The following CLTRN variants were observed in gnomAD, a reference collection of about 807,000 sequenced individuals.
CLTRN encodes collectrin.
CLTRN carries 12 observed loss-of-function variants against 14.5 expected under a neutral mutation model. That is an observed-to-expected ratio of 0.83 (90% CI 0.53 to 1.34). The LOEUF is 1.34. CLTRN is among the 40% of genes most tolerant of loss of function. The pLI is 0.00. For missense variants in CLTRN, 154 were observed against 165.1 expected (o/e 0.93, Z 0.37); for synonymous variants, 58 against 56.5 (o/e 1.03, Z -0.12).
chrX:15,631,570 TG>T (rs1464813373), intron 5 of CLTRN, among the ~76,000 whole-genome samples: 1 of 112,324 alleles, frequency 8.9e-6, no homozygotes, highest in Admixed American at 9.4e-5. Flanking sequence ...CACGAAAGAA[TG>T]GGGAAAAACT....
chrX:15,671,648 G>A (rs1274197847), intron 1 of CLTRN, among the ~76,000 whole-genome samples: 1 of 111,780 alleles, frequency 8.9e-6, no homozygotes, highest in Non-Finnish European at 1.9e-5. Flanking sequence ...CTGACAGTGA[G>A]TTTCCAATGT....
At chrX:15,634,700 G>A (rs952917737) in intron 5 of CLTRN, among the ~76,000 whole-genome samples, 1 of 99,935 alleles carries the variant, frequency 1.0e-5, no homozygotes, top group African/African-American at 3.7e-5. Context: ...ATCAAACACC[G>A]CATATTCTCA....
chrX:15,652,778 T>C (rs772998928), intron 3 of CLTRN, among the ~76,000 whole-genome samples: 1 of 111,734 alleles, frequency 8.9e-6, no homozygotes, highest in African/African-American at 3.3e-5. Flanking sequence ...TGTACAAAAA[T>C]ATACAATGAA....
chrX:15,664,999 G>A (rs1049861492), upstream of CLTRN: 23 of 396,232 alleles, frequency 5.8e-5, no homozygotes, highest in Non-Finnish European at 9.8e-5. Flanking sequence ...AAACAGATTA[G>A]TTGTTTTCCC....
intron 3 of CLTRN, among the ~76,000 whole-genome samples, chrX:15,649,758 G>A (rs1330935016): frequency 9.0e-6 from 1 of 110,576 alleles, no homozygotes; most frequent in African/African-American, 3.3e-5. Context: ...GGCAGGGGGC[G>A]GTCAGTACCA....
chrX:15,662,824 C>G (rs2147214725), intron 2 of CLTRN, among the ~76,000 whole-genome samples: 1 of 111,437 alleles, frequency 9.0e-6, no homozygotes, highest in Non-Finnish European at 1.9e-5. Flanking sequence ...GCATTTGATG[C>G]TCTTGAACCC....
intron 1 of CLTRN, 59 bp from the exon 2 acceptor site, chrX:15,664,454 G>T: frequency 2.0e-6 from 2 of 1,008,764 alleles, no homozygotes; most frequent in Admixed American, 2.7e-5. Flanking sequence ...CCAAAACAGA[G>T]TCTGAAAAAT....
At chrX:15,663,080 C>T (rs924767244) in intron 2 of CLTRN, among the ~76,000 whole-genome samples, 2 of 111,986 alleles carry the variant, frequency 1.8e-5, no homozygotes, top group Non-Finnish European at 3.8e-5. Flanking sequence ...TCAGACATCA[C>T]AGTAAGTGCC....
At chrX:15,644,408 C>A (rs1055605216) in intron 4 of CLTRN, among the ~76,000 whole-genome samples, 1 of 111,691 alleles carries the variant, frequency 9.0e-6, no homozygotes, top group Non-Finnish European at 1.9e-5. Context: ...TCCTCACTTT[C>A]TATATATGGG....
In CLTRN at chrX:15,642,641, C is replaced by T. The variant is rs202245611; in HGVS notation, c.317+2275G>A. Among the ~76,000 whole-genome samples, 4 of 112,329 alleles carry T rather than the reference C, an allele frequency of 3.6e-5. No homozygotes were observed. The East Asian group carries it at 8.4e-4, about 24-fold the overall frequency. ...GATGTCTGTTTCAGTTCTTTGTGTA[C>T]TCTGGTAAACAGGAAAAATCACTGG... is the stretch of plus-strand genomic sequence containing the variant. On this transcript the variant is annotated intron_variant, in intron 4 of 5. Transcript: ENST00000380342.
At chrX:15,633,611 T>C (rs7051487) in intron 5 of CLTRN, among the ~76,000 whole-genome samples, 1,156 of 113,112 alleles carry the variant, frequency 0.01, 13 homozygotes, top group African/African-American at 0.035. Context: ...ATTCATTTAA[T>C]TAAGACTTTA....
intron 5 of CLTRN, among the ~76,000 whole-genome samples, chrX:15,634,367 C>T (rs1408703603): frequency 9.0e-6 from 1 of 110,980 alleles, no homozygotes; most frequent in East Asian, 2.8e-4. Context: ...ATGCCAGAGC[C>T]TGAGACTGGA....
chrX:15,661,042 A>T (rs1929496063), intron 2 of CLTRN, among the ~76,000 whole-genome samples: 2 of 112,062 alleles, frequency 1.8e-5, no homozygotes, highest in African/African-American at 6.5e-5. Flanking sequence ...TTTTTTCCAA[A>T]ATTAATTTTA....
At chrX:15,659,192 C>CCACACA (rs374840378) in intron 2 of CLTRN, 91 bp from the exon 3 acceptor site, 79 of 329,050 alleles carry the variant, frequency 2.4e-4, no homozygotes, top group African/African-American at 1.9e-3. Flanking sequence ...CTCTCTCTCT[C>CCACACA]CACACACACA....
chrX:15,663,940 G>A (rs1044166204), intron 2 of CLTRN, among the ~76,000 whole-genome samples: 3 of 111,997 alleles, frequency 2.7e-5, no homozygotes, highest in Admixed American at 9.5e-5. Flanking sequence ...ACTTTATGTG[G>A]GTAGAACTAT....
chrX:15,643,098 T>C (rs1928980183), intron 4 of CLTRN, among the ~76,000 whole-genome samples: 1 of 111,119 alleles, frequency 9.0e-6, no homozygotes. Context: ...ACTCTGCCTC[T>C]TAAAAAGAAA....
intron 1 of CLTRN, 122 bp downstream of exon 1, chrX:15,664,596 T>C: frequency 1.4e-6 from 1 of 739,151 alleles, no homozygotes; most frequent in Non-Finnish European, 2.0e-6. Context: ...AAACACTCAC[T>C]GCCCCAACTT....
chrX:15,646,232 C>G (rs1929063326), intron 3 of CLTRN: 8 of 234,587 alleles, frequency 3.4e-5, no homozygotes, highest in East Asian at 1.1e-4. Context: ...CCATGCAACA[C>G]TTGGTGGCCA....
intron 3 of CLTRN, among the ~76,000 whole-genome samples, chrX:15,656,835 T>C (rs1343822684): frequency 2.7e-5 from 3 of 110,467 alleles, no homozygotes; most frequent in South Asian, 3.8e-4. Context: ...ACTGCCTGAC[T>C]CTTTACAGAA....
Sources: gnomAD v4.1 joint callset for allele counts (sites outside exome capture counted in the v4.1 genomes callset) on GRCh38, gnomAD v4.1.1 for gene constraint, MANE v1.5 for transcripts, NCBI Gene and HGNC (gene_info 2026-07-23, HGNC 2026-07-21) for gene names.